Variants in PLEKHG1 observed in about 807,000 individuals in gnomAD.
The protein encoded by PLEKHG1 is pleckstrin homology domain-containing family G member 1.
PLEKHG1 carries 44 observed loss-of-function variants against 100.8 expected under a neutral mutation model. The ratio of observed to expected loss-of-function variants is 0.44; its 90% CI spans 0.34 to 0.56. The LOEUF is 0.56. Ranked by LOEUF, PLEKHG1 falls within the 20% of genes least tolerant of loss-of-function variation. PLEKHG1 has a pLI of 0.01. For missense variants in PLEKHG1, 1,545 were observed against 1,720.9 expected (o/e 0.90, Z 1.81); for synonymous variants, 640 against 662.5 (o/e 0.97, Z 0.52).
At chr6:150,700,933 AT>A (rs200127167) in intron 3 of PLEKHG1, among the ~76,000 whole-genome samples, 5,084 of 152,286 alleles carry the variant, frequency 0.033, 269 homozygotes, top group African/African-American at 0.12. Flanking sequence ...GATGGGGGTT[AT>A]AGCTTGTATA....
intron 2 of PLEKHG1, among the ~76,000 whole-genome samples, chr6:150,762,654 A>G (rs956788845): frequency 5.9e-5 from 9 of 152,172 alleles, no homozygotes; most frequent in South Asian, 4.1e-4. Context: ...GGAAAACTCT[A>G]TCTCCATAGT....
chr6:150,720,426 T>C (rs1157304200), upstream of PLEKHG1, among the ~76,000 whole-genome samples: 1 of 152,230 alleles, frequency 6.6e-6, no homozygotes, highest in Admixed American at 6.5e-5. Flanking sequence ...AGAACTTAAC[T>C]GTTCTCCAAA....
chr6:150,660,071 A>ATTTTT (rs60016202), intron 3 of PLEKHG1, among the ~76,000 whole-genome samples: 1 of 143,678 alleles, frequency 7.0e-6, no homozygotes, highest in Non-Finnish European at 1.5e-5. Context: ...TTTGTTCATA[A>ATTTTT]TTTTTTTTTT....
At chr6:150,779,999 T>C (rs1333432088) in intron 3 of PLEKHG1, among the ~76,000 whole-genome samples, 1 of 151,370 alleles carries the variant, frequency 6.6e-6, no homozygotes, top group Non-Finnish European at 1.5e-5. Context: ...TGGAGTCCGC[T>C]CACAGTTCTT....
chr6:150,785,831 C>G (rs979956582), intron 3 of PLEKHG1, among the ~76,000 whole-genome samples: 1 of 152,020 alleles, frequency 6.6e-6, no homozygotes, highest in African/African-American at 2.4e-5. Flanking sequence ...GCATTAGATT[C>G]TCATAGGAGC....
chr6:150,825,359 T>C (rs910481879), intron 14 of PLEKHG1, among the ~76,000 whole-genome samples: 13 of 152,054 alleles, frequency 8.5e-5, no homozygotes, highest in African/African-American at 3.1e-4. Flanking sequence ...GCAGATCACT[T>C]TGAGCTCAGG....
At chr6:150,804,577 A>G in intron 6 of PLEKHG1, 33 bp from the exon 8 acceptor site, 2 of 1,539,968 alleles carry the variant, frequency 1.3e-6, no homozygotes, top group Non-Finnish European at 1.7e-6. Flanking sequence ...ATAAAATGAA[A>G]AAAAAAAAAA....
At chr6:150,604,892 A>T (rs1407670098) in intron 1 of PLEKHG1, among the ~76,000 whole-genome samples, 1 of 152,178 alleles carries the variant, frequency 6.6e-6, no homozygotes, top group Admixed American at 6.5e-5. Flanking sequence ...CCTCTGAGCA[A>T]GGCACCCACA....
At chr6:150,618,323 T>C (rs116554737) in intron 1 of PLEKHG1, among the ~76,000 whole-genome samples, 3,520 of 152,342 alleles carry the variant, frequency 0.023, 128 homozygotes, top group African/African-American at 0.08. Flanking sequence ...TGGATGAATA[T>C]TTTGGCTTTT....
intron 3 of PLEKHG1, among the ~76,000 whole-genome samples, chr6:150,664,811 AC>A (rs774954616): frequency 3.3e-5 from 5 of 152,028 alleles, no homozygotes; most frequent in Non-Finnish European, 7.4e-5. Context: ...CAAGAATCAT[AC>A]CACATTCATC....
rs577357083 is a variant in PLEKHG1 at position 150,787,049 on chromosome 6, A to G, written c.582+590A>G. 1.8e-4 allele frequency among the ~76,000 whole-genome samples: 28 copies of G among 151,398 alleles called. No individual in the cohort carries two copies. The South Asian group carries it at 3.1e-3, about 17-fold the overall frequency. Reference sequence around the variant, plus strand: ...CTGTCTCAAAAAAAAAAAAAAAAAAAAAGAAGATGAATGTTAGAAAAATAT... The same window carrying G: ...CTGTCTCAAAAAAAAAAAAAAAAAAGAAGAAGATGAATGTTAGAAAAATAT... On this transcript the variant is annotated intron_variant, in intron 4 of 15. Coordinates refer to ENST00000358517, the Ensembl canonical transcript of PLEKHG1.
intron 1 of PLEKHG1, among the ~76,000 whole-genome samples, chr6:150,630,919 C>T (rs564109225): frequency 2.0e-5 from 3 of 152,166 alleles, no homozygotes; most frequent in African/African-American, 4.8e-5. Flanking sequence ...GAATGTGCAT[C>T]CTAGCAGCTG....
At position 150,831,094 on chromosome 6, in the gene PLEKHG1, T is replaced by C. The variant is rs143818607; in HGVS notation, c.1983T>C (p.Tyr661=). The C allele has an allele frequency of 5.4e-3, 8,755 of 1,614,092 alleles. 29 individuals are homozygous for C. Among genetic ancestry groups the C allele is most frequent in the Non-Finnish European group, 5.9e-3 (7,019 of 1,179,972 alleles). ...CTATTGATGACATAGACCATGTCTA[T>C]GATAACATCAGTTATGAGGACTTAA... The change falls in exon 15 of 16, where the codon TAT becomes TAC. Residue 661 remains tyrosine, a synonymous_variant. Transcript: ENST00000358517. This position sits in a 1 kb window ranked among gnomAD's most constrained non-coding sequence, Gnocchi z 4.1.
intron 3 of PLEKHG1, among the ~76,000 whole-genome samples, chr6:150,692,583 A>T (rs929101836): frequency 1.3e-5 from 2 of 152,256 alleles, no homozygotes; most frequent in Non-Finnish European, 2.9e-5. Flanking sequence ...ATTTAAAGAA[A>T]TGCTGCAAGT....
At chr6:150,629,935 G>T (rs967076101) in intron 1 of PLEKHG1, among the ~76,000 whole-genome samples, 5 of 151,782 alleles carry the variant, frequency 3.3e-5, no homozygotes, top group African/African-American at 1.2e-4. Context: ...ATTTTTCAAG[G>T]TTTCTACAAT....
At chr6:150,642,238 C>G (rs1778299540) in intron 2 of PLEKHG1, among the ~76,000 whole-genome samples, 1 of 152,184 alleles carries the variant, frequency 6.6e-6, no homozygotes, top group Non-Finnish European at 1.5e-5. Flanking sequence ...AATTAACATT[C>G]ATTTTCACTG....
chr6:150,747,495 A>G (rs1483619859), intron 2 of PLEKHG1, among the ~76,000 whole-genome samples: 1 of 152,118 alleles, frequency 6.6e-6, no homozygotes, highest in Non-Finnish European at 1.5e-5. Context: ...TCCCACTAAG[A>G]TTGTTTTGCC....
chr6:150,702,558 G>GTGTGTA (rs1491178321), intron 3 of PLEKHG1, among the ~76,000 whole-genome samples: 2 of 1,688 alleles, frequency 1.2e-3, no homozygotes, highest in Non-Finnish European at 8.9e-3. Context: ...TTGTTTTGGG[G>GTGTGTA]TGTGTGTGTG....
At chr6:150,613,746 T>G (rs62432659) in intron 1 of PLEKHG1, among the ~76,000 whole-genome samples, 12,077 of 152,184 alleles carry the variant, frequency 0.079, 552 homozygotes, top group Non-Finnish European at 0.1. Context: ...CCCCGAATCT[T>G]CCCTCCACTC....
Sources: allele counts gnomAD v4.1 joint callset (sites outside exome capture counted in the v4.1 genomes callset), GRCh38; gene constraint gnomAD v4.1.1; non-coding constraint Gnocchi (gnomAD v3.1); transcripts MANE v1.5; gene names NCBI Gene and HGNC (gene_info 2026-07-23, HGNC 2026-07-21).